The following NMNAT2 variants were observed in gnomAD, a reference collection of about 807,000 sequenced individuals.
NMNAT2 encodes nicotinamide nucleotide adenylyltransferase 2.
Under a neutral mutation model 41.6 loss-of-function variants are expected in NMNAT2, and 11 were observed. The ratio of observed to expected loss-of-function variants is 0.26; its 90% CI spans 0.17 to 0.44. NMNAT2 has a LOEUF of 0.44. Among genes scored for constraint, NMNAT2 ranks in the 20% least tolerant of loss-of-function variants. The probability of loss-of-function intolerance (pLI) is 1.00; values close to 1 mark genes in which losing one functional copy is unlikely to be tolerated. For missense variants in NMNAT2, 288 were observed against 407.7 expected (o/e 0.71, Z 2.53); for synonymous variants, 148 against 151.2 (o/e 0.98, Z 0.16).
chr1:183,383,578 T>C (rs1663850041), intron 1 of NMNAT2, among the ~76,000 whole-genome samples: 1 of 152,232 alleles, frequency 6.6e-6, no homozygotes. Context: ...CGCTGTTAGA[T>C]GCAGCCAGGC....
chr1:183,256,752 C>A (rs1660524788), intron 10 of NMNAT2, among the ~76,000 whole-genome samples: 1 of 152,020 alleles, frequency 6.6e-6, no homozygotes, highest in South Asian at 2.1e-4. Context: ...TATTGGCCTA[C>A]AGTTTTCTTT....
intron 10 of NMNAT2, among the ~76,000 whole-genome samples, chr1:183,259,347 G>A (rs767502784): frequency 6.6e-6 from 1 of 152,076 alleles, no homozygotes; most frequent in African/African-American, 2.4e-5. Flanking sequence ...GAGTGTCTCT[G>A]TAATTGCCTT....
chr1:183,318,200 C>T (rs938741279), intron 1 of NMNAT2, among the ~76,000 whole-genome samples: 2 of 152,206 alleles, frequency 1.3e-5, no homozygotes, highest in Non-Finnish European at 2.9e-5. Context: ...CCCAGCAGGC[C>T]CTGGGACCCC....
chr1:183,382,933 A>T (rs1663832042), intron 1 of NMNAT2, among the ~76,000 whole-genome samples: 1 of 152,062 alleles, frequency 6.6e-6, no homozygotes, highest in South Asian at 2.1e-4. Context: ...ATGCCCAAGT[A>T]GCGACTCTGT....
chr1:183,326,747 G>A (rs1188182832), intron 1 of NMNAT2, among the ~76,000 whole-genome samples: 4 of 152,136 alleles, frequency 2.6e-5, no homozygotes, highest in African/African-American at 7.2e-5. Flanking sequence ...TGAGAAGCTC[G>A]CAGAACAAGA....
chr1:183,284,743 C>T lies in NMNAT2; in HGVS notation c.496G>A (p.Val166Ile). ...GTGAAACGCTCCACCGGCGGGCGGA[C>T]ACAGCAGATCCGGCTGAGGCTTTCT... ...VGESLSRICC[V>I]RPPVERFTFV... Residue 166 changes from valine (V) to isoleucine (I), a missense_variant, in exon 6 of 11, where the codon GTC (valine) becomes ATC (isoleucine). Around this residue, in one of 3 missense-constraint regions of NMNAT2, gnomAD observed 181 missense variants for 213.7 expected, o/e 0.85. Coordinates refer to ENST00000287713, the MANE Select transcript of NMNAT2 (RefSeq NM_015039.4). The T allele has an allele frequency of 6.2e-7, 1 of 1,613,930 alleles. No homozygotes were observed. Among genetic ancestry groups the T allele is most frequent in the Non-Finnish European group, 8.5e-7 (1 of 1,179,996 alleles).
intron 1 of NMNAT2, among the ~76,000 whole-genome samples, chr1:183,325,034 C>G (rs1463925821): frequency 6.6e-6 from 1 of 152,120 alleles, no homozygotes; most frequent in Non-Finnish European, 1.5e-5. Flanking sequence ...CAAAGCAGAC[C>G]CCGAGGAACC....
chr1:183,325,435 T>C lies in NMNAT2; in HGVS notation c.86-31642A>G, dbSNP rs144988796. 1.2e-3 allele frequency among the ~76,000 whole-genome samples: 188 copies of C among 152,352 alleles called. 2 individuals are homozygous for C. Among genetic ancestry groups the C allele is most frequent in the African/African-American group, 4.0e-3 (166 of 41,584 alleles). ...ACATACATTTATCTGCATGAAAAGA[T>C]GGAAAAATGAGAAGTGTCGTATTCT... On this transcript the variant is annotated intron_variant, in intron 1 of 10. Coordinates refer to ENST00000287713, the MANE Select transcript of NMNAT2 (RefSeq NM_015039.4).
At chr1:183,350,877 A>G (rs1446147166) in intron 1 of NMNAT2, among the ~76,000 whole-genome samples, 1 of 152,190 alleles carries the variant, frequency 6.6e-6, no homozygotes, top group African/African-American at 2.4e-5. Flanking sequence ...AAAGTTATTG[A>G]GATAGCTGGG....
At chr1:183,322,999 T>C (rs934043989) in intron 1 of NMNAT2, among the ~76,000 whole-genome samples, 1 of 152,154 alleles carries the variant, frequency 6.6e-6, no homozygotes, top group African/African-American at 2.4e-5. Flanking sequence ...TGGCGCGATT[T>C]CGGCTCGCTG....
intron 1 of NMNAT2, among the ~76,000 whole-genome samples, chr1:183,327,878 C>T (rs988345965): frequency 1.3e-5 from 2 of 152,132 alleles, no homozygotes; most frequent in African/African-American, 4.8e-5. Context: ...CCTCGCTGGC[C>T]CTGTCTACTC....
chr1:183,269,550 T>A (rs1558111154), intron 8 of NMNAT2, among the ~76,000 whole-genome samples: 1 of 152,252 alleles, frequency 6.6e-6, no homozygotes, highest in Non-Finnish European at 1.5e-5. Context: ...AGCCCATTTG[T>A]GTTTCTTCTC....
At chr1:183,283,519 G>C (rs1661321466) in intron 7 of NMNAT2, 1 of 188,246 alleles carries the variant, frequency 5.3e-6, no homozygotes, top group Non-Finnish European at 1.1e-5. Context: ...GGTTGGGCAG[G>C]CAGCCCTCAC....
intron 1 of NMNAT2, among the ~76,000 whole-genome samples, chr1:183,411,760 A>G (rs1259134247): frequency 6.6e-6 from 1 of 152,152 alleles, no homozygotes; most frequent in Non-Finnish European, 1.5e-5. Context: ...AAGAAATAAC[A>G]TGCTTTGTTT....
intron 1 of NMNAT2, among the ~76,000 whole-genome samples, chr1:183,338,203 A>G (rs543690392): frequency 1.1e-3 from 156 of 146,100 alleles, no homozygotes; most frequent in Admixed American, 2.5e-3. Flanking sequence ...AAAAGTGGGA[A>G]TAGATCTGAC....
intron 1 of NMNAT2, among the ~76,000 whole-genome samples, chr1:183,335,206 CCTT>C (rs1370248404): frequency 6.6e-6 from 1 of 152,192 alleles, no homozygotes; most frequent in Admixed American, 6.5e-5. Context: ...CAACTAGTTT[CCTT>C]CTTCTTGTTA....
intron 1 of NMNAT2, among the ~76,000 whole-genome samples, chr1:183,307,307 CT>C (rs35308886): frequency 0.37 from 51,185 of 138,180 alleles, 8,965 homozygotes; most frequent in Middle Eastern, 0.42. Context: ...ACAAAGGGTT[CT>C]TTTTTTTTTT....
At chr1:183,304,668 A>T (rs199737764) in intron 1 of NMNAT2, 21 of 1,613,342 alleles carry the variant, frequency 1.3e-5, no homozygotes, top group Admixed American at 1.2e-4. Context: ...GTCTGAACTC[A>T]CCTGAGAGAG....
At chr1:183,286,107 G>A (rs905010388) in intron 5 of NMNAT2, among the ~76,000 whole-genome samples, 38 of 152,268 alleles carry the variant, frequency 2.5e-4, no homozygotes, top group African/African-American at 8.4e-4. Context: ...GTCTCACTCT[G>A]TCTCCCAGGC....
Sources: allele counts gnomAD v4.1 joint callset (sites outside exome capture counted in the v4.1 genomes callset), GRCh38; gene constraint gnomAD v4.1.1; regional missense constraint gnomAD v4.1.1; transcripts MANE v1.5; gene names NCBI Gene and HGNC (gene_info 2026-07-23, HGNC 2026-07-21).